Variants in RRBP1 observed in about 807,000 individuals in gnomAD.
The protein encoded by RRBP1 is ribosome-binding protein 1.
RRBP1 carries 94 observed loss-of-function variants against 165.2 expected under a neutral mutation model. The observed-to-expected ratio is 0.57, with a 90% CI of 0.48 to 0.68. The LOEUF (loss-of-function observed/expected upper bound fraction) is 0.68. Among genes scored for constraint, RRBP1 ranks in the 30% least tolerant of loss-of-function variants. The pLI is 0.00. For synonymous variants in RRBP1, 680 were observed against 714.5 expected, an observed-to-expected ratio of 0.95 and a Z score of 0.77; for missense variants, 1,676 against 1,763.0, an observed-to-expected ratio of 0.95 and a Z score of 0.88.
chr20:17,625,111 T>G (rs972351680), intron 12 of RRBP1, among the ~76,000 whole-genome samples: 2 of 151,908 alleles, frequency 1.3e-5, no homozygotes, highest in Admixed American at 1.3e-4. Flanking sequence ...CCCGGCTCTG[T>G]GAGAAGGGGG....
chr20:17,678,890 AAAATG>A (rs1285236571), intron 2 of RRBP1, among the ~76,000 whole-genome samples: 1 of 152,144 alleles, frequency 6.6e-6, no homozygotes, highest in Non-Finnish European at 1.5e-5. Context: ...CTCGGTGAAA[AAAATG>A]AAATGAAAAA....
intron 3 of RRBP1, among the ~76,000 whole-genome samples, chr20:17,647,316 C>T (rs997711176): frequency 3.3e-5 from 5 of 152,186 alleles, no homozygotes; most frequent in Admixed American, 6.5e-5. Context: ...GCAGCAATGC[C>T]GAGAAAGGCT....
At chr20:17,619,388 G>A (rs2035864238) in intron 19 of RRBP1, 1 of 421,354 alleles carries the variant, frequency 2.4e-6, no homozygotes, top group African/African-American at 2.0e-5. Flanking sequence ...GCCTCCCTCG[G>A]GGCAGGGCTG....
At chr20:17,644,686 T>G (rs2036431347) in intron 3 of RRBP1, among the ~76,000 whole-genome samples, 1 of 152,218 alleles carries the variant, frequency 6.6e-6, no homozygotes, top group Admixed American at 6.5e-5. Flanking sequence ...CCGTCCGATG[T>G]GCTGGGCACC....
chr20:17,630,731 G>T (rs759091028), intron 8 of RRBP1, among the ~76,000 whole-genome samples: 1 of 152,200 alleles, frequency 6.6e-6, no homozygotes, highest in African/African-American at 2.4e-5. Flanking sequence ...GCCCTTTGGA[G>T]AACTCAGTTC....
At chr20:17,670,262 C>A (rs185671984) in intron 2 of RRBP1, among the ~76,000 whole-genome samples, 1 of 152,052 alleles carries the variant, frequency 6.6e-6, no homozygotes, top group African/African-American at 2.4e-5. Context: ...TAGGATAAAA[C>A]GATTTAGTCA....
intron 3 of RRBP1, among the ~76,000 whole-genome samples, chr20:17,653,059 T>C (rs1203139273): frequency 2.0e-5 from 3 of 152,128 alleles, no homozygotes; most frequent in Non-Finnish European, 4.4e-5. Context: ...CTGCAAGTGA[T>C]GAAGTGTGCC....
intron 2 of RRBP1, among the ~76,000 whole-genome samples, chr20:17,677,043 C>T (rs1265134212): frequency 1.3e-5 from 2 of 150,446 alleles, no homozygotes; most frequent in Non-Finnish European, 3.0e-5. Flanking sequence ...CCACTGTGCC[C>T]AGCCCAAAAA....
At chr20:17,630,059 A>C in intron 8 of RRBP1, 98 bp from the exon 9 acceptor site, 1 of 1,316,668 alleles carries the variant, frequency 7.6e-7, no homozygotes, top group Non-Finnish European at 1.0e-6. Flanking sequence ...ACCCCACCAA[A>C]GCCCCGTGCA....
intron 11 of RRBP1, among the ~76,000 whole-genome samples, chr20:17,626,641 C>T (rs1226199162): frequency 2.6e-5 from 4 of 152,202 alleles, no homozygotes; most frequent in South Asian, 2.1e-4. Flanking sequence ...GCATGGACCC[C>T]TAGCCACGGC....
At chr20:17,619,215 G>T in intron 19 of RRBP1, 1 of 178,218 alleles carries the variant, frequency 5.6e-6, no homozygotes, top group Admixed American at 5.6e-5. Context: ...CGCTGTGCCT[G>T]GCCCAAAAGT....
At chr20:17,664,642 T>G (rs1186811936) in intron 2 of RRBP1, among the ~76,000 whole-genome samples, 1 of 152,206 alleles carries the variant, frequency 6.6e-6, no homozygotes, top group Admixed American at 6.5e-5. Flanking sequence ...ACACAGAAGA[T>G]ATCTGCTAAT....
At chr20:17,629,517 T>C (rs980996184) in intron 9 of RRBP1, among the ~76,000 whole-genome samples, 2 of 151,862 alleles carry the variant, frequency 1.3e-5, no homozygotes, top group Non-Finnish European at 2.9e-5. Flanking sequence ...CACCCCCATA[T>C]GCCCTGCTCC....
chr20:17,624,565 C>G lies in RRBP1; in HGVS notation c.3147+11G>C. 6.4e-7 allele frequency: 1 copy of G among 1,574,668 alleles called. No homozygotes were observed. The highest frequency in any genetic ancestry group is 8.6e-7 in the Non-Finnish European group (1 of 1,156,294). On this transcript the variant is annotated intron_variant, in intron 13 of 24. Coordinates refer to ENST00000377813, the MANE Select transcript of RRBP1 (RefSeq NM_001365613.2). ...TCCATGGTGGGGGTGTGAGTGTGGT[C>G]GGGCTCTGACCTTGGCCTGGGTCAG...
In RRBP1 at chr20:17,660,269, T is replaced by C. The variant is rs2036738505; in HGVS notation, c.239A>G (p.Asn80Ser). ...GKTKKKEEKPNGKIPDHDPAP... is the reference protein window; with the variant it reads ...GKTKKKEEKPSGKIPDHDPAP... ...TGGATCATGATCAGGTATCTTCCCA[T>C]TAGGTTTCTCTTCCTTTTTCTTGGT... is the stretch of plus-strand genomic sequence containing the variant. The change falls in exon 3 of 25, where the codon AAT becomes AGT. Residue 80 changes from asparagine to serine, a missense_variant. Coordinates refer to ENST00000377813, the MANE Select transcript of RRBP1 (RefSeq NM_001365613.2). 1 of 1,608,336 alleles carries C rather than the reference T, an allele frequency of 6.2e-7. No homozygotes were observed. Among genetic ancestry groups the C allele is most frequent in the Non-Finnish European group, 8.5e-7 (1 of 1,176,842 alleles).
intron 3 of RRBP1, among the ~76,000 whole-genome samples, chr20:17,651,578 A>G (rs2036558745): frequency 6.6e-6 from 1 of 152,234 alleles, no homozygotes; most frequent in Admixed American, 6.5e-5. Context: ...CACACTGTTA[A>G]GCAGACAGCA....
intron 23 of RRBP1, among the ~76,000 whole-genome samples, chr20:17,615,170 G>A (rs898509457): frequency 6.6e-6 from 1 of 152,236 alleles, no homozygotes; most frequent in Admixed American, 6.5e-5. Flanking sequence ...AGCGCTGGAC[G>A]TGTGGCTGAG....
At chr20:17,645,686 A>C (rs543495953) in intron 3 of RRBP1, among the ~76,000 whole-genome samples, 1 of 152,380 alleles carries the variant, frequency 6.6e-6, no homozygotes, top group East Asian at 1.9e-4. Flanking sequence ...TAAATAACGT[A>C]CTAACGGGAG....
chr20:17,635,688 T>A, intron 6 of RRBP1, 24 bp from the exon 7 acceptor site: 2 of 1,580,852 alleles, frequency 1.3e-6, no homozygotes, highest in Non-Finnish European at 1.7e-6. Flanking sequence ...GGCAAGGGCA[T>A]CAGAGGCAGC....
Sources: gnomAD v4.1 joint callset for allele counts (sites outside exome capture counted in the v4.1 genomes callset) on GRCh38, gnomAD v4.1.1 for gene constraint, MANE v1.5 for transcripts, NCBI Gene and HGNC (gene_info 2026-07-23, HGNC 2026-07-21) for gene names.